ERBB4: variants seen among roughly 807,000 people sequenced by gnomAD.
ERBB4 encodes the protein erb-b2 receptor tyrosine kinase 4, also known as receptor tyrosine-protein kinase erbB-4.
A neutral mutation model predicts 158.0 loss-of-function variants in ERBB4; 42 were observed. The ratio of observed to expected loss-of-function variants is 0.27; its 90% CI spans 0.21 to 0.34. The LOEUF is 0.34. ERBB4 is among the 10% of genes least tolerant of loss of function. The pLI is 1.00. For missense variants in ERBB4, 1,333 were observed against 1,624.1 expected, an observed-to-expected ratio of 0.82 and a Z score of 3.08; for synonymous variants, 583 against 558.7, an observed-to-expected ratio of 1.04 and a Z score of -0.61.
intron 5 of ERBB4, among the ~76,000 whole-genome samples, chr2:211,738,034 TTAAAA>T (rs72021304): frequency 0.036 from 5,493 of 152,120 alleles, 277 homozygotes; most frequent in East Asian, 0.19. Context: ...AATCTAAGTG[TTAAAA>T]TAATACATTT....
At chr2:212,276,865 G>A (rs747433115) in intron 1 of ERBB4, among the ~76,000 whole-genome samples, 3 of 151,750 alleles carry the variant, frequency 2.0e-5, no homozygotes, top group Non-Finnish European at 2.9e-5. Context: ...CTTTGTAAAT[G>A]CAAAGGGCCA....
intron 1 of ERBB4, among the ~76,000 whole-genome samples, chr2:212,314,781 G>A (rs2087200204): frequency 6.6e-6 from 1 of 151,110 alleles, no homozygotes. Context: ...TCCAGAAAGA[G>A]CCTTTCTCTT....
At chr2:212,074,993 C>T (rs974888008) in intron 2 of ERBB4, among the ~76,000 whole-genome samples, 5 of 151,856 alleles carry the variant, frequency 3.3e-5, no homozygotes, top group African/African-American at 9.7e-5. Flanking sequence ...TGTTCAAGTT[C>T]CTAGCTAAAT....
intron 18 of ERBB4, among the ~76,000 whole-genome samples, chr2:211,620,468 G>A (rs1483539428): frequency 2.0e-5 from 3 of 151,980 alleles, no homozygotes; most frequent in Non-Finnish European, 4.4e-5. Flanking sequence ...AGTATCATCA[G>A]GAGACCTGAA....
intron 20 of ERBB4, among the ~76,000 whole-genome samples, chr2:211,544,420 C>T (rs1307548973): frequency 5.3e-5 from 8 of 151,962 alleles, no homozygotes; most frequent in African/African-American, 9.7e-5. Context: ...TTGCCCCACT[C>T]GTAGAGTTAT....
intron 4 of ERBB4, chr2:211,779,059 T>A (rs986448971): frequency 6.6e-6 from 1 of 152,182 alleles, no homozygotes; most frequent in Non-Finnish European, 1.5e-5. Flanking sequence ...CATAGAGCCA[T>A]GATATCAATT....
chr2:212,490,914 T>C (rs73067093), intron 1 of ERBB4, among the ~76,000 whole-genome samples: 7,031 of 151,832 alleles, frequency 0.046, 546 homozygotes, highest in African/African-American at 0.16. Flanking sequence ...TTACTGATAC[T>C]CTTGAAAGTG....
intron 1 of ERBB4, among the ~76,000 whole-genome samples, chr2:212,384,922 C>G (rs918209954): frequency 9.9e-6 from 1 of 100,686 alleles, no homozygotes; most frequent in Admixed American, 1.0e-4. Context: ...TATATATATA[C>G]ACACACACAC....
At chr2:212,133,396 G>GT (rs575131971) in intron 1 of ERBB4, among the ~76,000 whole-genome samples, 1,521 of 137,082 alleles carry the variant, frequency 0.011, 36 homozygotes, top group African/African-American at 0.041. Context: ...TCATTTTGGT[G>GT]TTTTTTTTTT....
chr2:211,939,274 A>T (rs980110790), intron 3 of ERBB4, among the ~76,000 whole-genome samples: 3 of 152,116 alleles, frequency 2.0e-5, no homozygotes, highest in African/African-American at 7.2e-5. Context: ...ATAGATCTAG[A>T]TTCCAGCACA....
intron 1 of ERBB4, among the ~76,000 whole-genome samples, chr2:212,397,738 T>C (rs897701913): frequency 2.0e-5 from 3 of 152,178 alleles, no homozygotes; most frequent in Non-Finnish European, 4.4e-5. Context: ...TTCAATTGTT[T>C]GTTGTTTTTA....
intron 25 of ERBB4, among the ~76,000 whole-genome samples, chr2:211,411,737 A>G (rs944449561): frequency 1.3e-5 from 2 of 152,234 alleles, no homozygotes; most frequent in African/African-American, 4.8e-5. Flanking sequence ...ACTGTTAGTG[A>G]CAATAGGATT....
intron 1 of ERBB4, among the ~76,000 whole-genome samples, chr2:212,127,165 T>C (rs1575671424): frequency 6.6e-6 from 1 of 152,176 alleles, no homozygotes; most frequent in African/African-American, 2.4e-5. Context: ...TAAGATGAGG[T>C]AGGTCATTTG....
chr2:212,345,245 G>A (rs2088932963), intron 1 of ERBB4, among the ~76,000 whole-genome samples: 1 of 55,384 alleles, frequency 1.8e-5, no homozygotes, highest in Non-Finnish European at 4.1e-5. Context: ...CAGCCTGGGG[G>A]ACAGAGCAAG....
At chr2:212,158,499 C>T (rs1373193217) in intron 1 of ERBB4, among the ~76,000 whole-genome samples, 1 of 151,974 alleles carries the variant, frequency 6.6e-6, no homozygotes, top group African/African-American at 2.4e-5. Flanking sequence ...ATCTATCCAT[C>T]TTTTAATTTC....
chr2:212,192,085 ATATAT>A lies in ERBB4; in HGVS notation c.83-67187_83-67183del, dbSNP rs1212598386. Reference sequence around the variant, plus strand: ...ATATGTTATATGTTATATATATTATATATATTATATAAGTTATATATTATATATTA... The same window carrying A: ...ATATGTTATATGTTATATATATTATATATATAAGTTATATATTATATATTA... On this transcript the variant is annotated intron_variant, in intron 1 of 27. Coordinates refer to ENST00000342788, the MANE Select transcript of ERBB4 (RefSeq NM_005235.3). Among the ~76,000 whole-genome samples the A allele has an allele frequency of 2.2e-4, 22 of 99,404 alleles. No individual in the cohort carries two copies. In the Admixed American group the frequency reaches 2.4e-3, roughly 11 times the overall value. 65.2% of individuals were successfully genotyped at this position (99,404 alleles called of 152,430 possible).
chr2:211,739,846 T>C (rs2074731617), intron 5 of ERBB4, among the ~76,000 whole-genome samples: 1 of 152,126 alleles, frequency 6.6e-6, no homozygotes, highest in South Asian at 2.1e-4. Flanking sequence ...TAAATATAGT[T>C]AAAAATATAG....
chr2:211,752,352 T>C (rs963620601), intron 4 of ERBB4, among the ~76,000 whole-genome samples: 2 of 151,942 alleles, frequency 1.3e-5, no homozygotes, highest in African/African-American at 2.4e-5. Flanking sequence ...TCCTCTAAAT[T>C]GATCCATTAA....
intron 4 of ERBB4, among the ~76,000 whole-genome samples, chr2:211,765,968 A>T (rs2106252914): frequency 6.6e-6 from 1 of 152,358 alleles, no homozygotes; most frequent in East Asian, 1.9e-4. Context: ...TTAATGAAGC[A>T]CAGAAAGGTA....
Sources: allele counts gnomAD v4.1 joint callset (sites outside exome capture counted in the v4.1 genomes callset), GRCh38; gene constraint gnomAD v4.1.1; transcripts MANE v1.5; gene names NCBI Gene and HGNC (gene_info 2026-07-23, HGNC 2026-07-21).